VWA8: variants seen among roughly 807,000 people sequenced by gnomAD.
VWA8 encodes von Willebrand factor A domain containing 8.
VWA8 carries 221 observed loss-of-function variants against 241.5 expected under a neutral mutation model. The observed-to-expected ratio is 0.91, with a 90% CI of 0.82 to 1.02. The LOEUF is 1.02. Ranked by LOEUF, VWA8 falls within the 50% of genes least tolerant of loss-of-function variation. The pLI, the probability that VWA8 is intolerant of heterozygous loss-of-function variation, is 0.00. For missense variants in VWA8, 2,322 were observed against 2,328.7 expected (o/e 1.00, Z 0.06); for synonymous variants, 852 against 827.1 (o/e 1.03, Z -0.52).
At chr13:41,767,967 A>G (rs1398846094) in intron 20 of VWA8, among the ~76,000 whole-genome samples, 1 of 152,298 alleles carries the variant, frequency 6.6e-6, no homozygotes, top group African/African-American at 2.4e-5. Flanking sequence ...AACAATGGAT[A>G]GACAAACTAA....
chr13:41,944,324 C>T (rs548148110), intron 2 of VWA8, among the ~76,000 whole-genome samples: 3 of 151,886 alleles, frequency 2.0e-5, no homozygotes, highest in Admixed American at 6.6e-5. Flanking sequence ...GTTAATTCGC[C>T]CTAACCCCAT....
At chr13:41,608,122 T>C (rs767908112) in intron 39 of VWA8, among the ~76,000 whole-genome samples, 38 of 152,148 alleles carry the variant, frequency 2.5e-4, no homozygotes, top group Non-Finnish European at 5.1e-4. Context: ...TCGAGCAGAC[T>C]GATCTTTGCA....
intron 21 of VWA8, among the ~76,000 whole-genome samples, chr13:41,734,119 C>A (rs1566434091): frequency 6.6e-6 from 1 of 152,126 alleles, no homozygotes; most frequent in Non-Finnish European, 1.5e-5. Flanking sequence ...GCAGGCAGAT[C>A]ACGAGGTCAG....
chr13:41,583,642 C>CAAAAAAA (rs935505646), intron 42 of VWA8, among the ~76,000 whole-genome samples: 3 of 42,156 alleles, frequency 7.1e-5, no homozygotes, highest in South Asian at 8.6e-4. Context: ...GACTCCATCT[C>CAAAAAAA]AAAAAAAAAA....
chr13:41,597,296 G>A (rs2044495086), intron 40 of VWA8, among the ~76,000 whole-genome samples: 1 of 151,992 alleles, frequency 6.6e-6, no homozygotes, highest in South Asian at 2.1e-4. Flanking sequence ...ATTGGATTAA[G>A]GAAAACTTTC....
chr13:41,731,050 A>G (rs2045479211), intron 22 of VWA8, among the ~76,000 whole-genome samples: 1 of 150,860 alleles, frequency 6.6e-6, no homozygotes, highest in Non-Finnish European at 1.5e-5. Flanking sequence ...ATAAAAAAAT[A>G]AAATAAAATA....
chr13:41,719,441 A>AG (rs2045367868), intron 26 of VWA8, 150 bp downstream of exon 26: 9 of 1,472,100 alleles, frequency 6.1e-6, no homozygotes, highest in Non-Finnish European at 6.3e-6. Flanking sequence ...TATTTAACTG[A>AG]AAAGCAGCCA....
chr13:41,623,317 C>G (rs555357894), intron 37 of VWA8, among the ~76,000 whole-genome samples: 1 of 152,292 alleles, frequency 6.6e-6, no homozygotes, highest in East Asian at 1.9e-4. Flanking sequence ...GTCTATGCCC[C>G]AATGACATTG....
At chr13:41,706,229 T>C (rs962574469) in intron 26 of VWA8, among the ~76,000 whole-genome samples, 11 of 152,248 alleles carry the variant, frequency 7.2e-5, no homozygotes, top group Non-Finnish European at 1.5e-4. Flanking sequence ...CAACTCATTC[T>C]AAGTAAGTCA....
Position 41,912,088 on chromosome 13 carries a change from G to C in VWA8, c.322C>G (p.Leu108Val), listed in dbSNP as rs1292869248. 6.2e-7 allele frequency: 1 copy of C among 1,608,834 alleles called. No homozygotes were observed. Among genetic ancestry groups the C allele is most frequent in the East Asian group, 2.2e-5 (1 of 44,726 alleles). Residue 108 changes from leucine (L) to valine (V), a missense_variant, in exon 3 of 45, where the codon CTA (leucine) becomes GTA (valine). Physicochemically the swap from Leu to Val is conservative, Grantham distance 32. Coordinates refer to ENST00000379310, the MANE Select transcript of VWA8 (RefSeq NM_015058.2). ...QKDLLGQDVF[L>V]IGPPGPLRRS... ...CGAAGAGGCCCAGGAGGTCCTATTA[G>C]AAAAACATCTTGCCCCAAAAGATCC...
chr13:41,808,664 A>G (rs548530669), intron 17 of VWA8, among the ~76,000 whole-genome samples: 1 of 152,296 alleles, frequency 6.6e-6, no homozygotes, highest in Admixed American at 6.5e-5. Flanking sequence ...TGAATCGGAA[A>G]AACTGGAAGC....
intron 12 of VWA8, among the ~76,000 whole-genome samples, chr13:41,854,360 C>T (rs555533219): frequency 3.3e-5 from 5 of 152,014 alleles, no homozygotes; most frequent in South Asian, 2.1e-4. Context: ...AGAGAATATA[C>T]GTGAAACAAC....
chr13:41,812,587 T>G (rs1870518679), intron 16 of VWA8, among the ~76,000 whole-genome samples: 1 of 152,188 alleles, frequency 6.6e-6, no homozygotes, highest in Non-Finnish European at 1.5e-5. Context: ...ATGTTCCACC[T>G]AAGGTCATCT....
intron 2 of VWA8, among the ~76,000 whole-genome samples, chr13:41,914,809 A>G (rs543193598): frequency 1.2e-3 from 190 of 152,324 alleles, no homozygotes; most frequent in African/African-American, 4.5e-3. Flanking sequence ...ATAATTTAAA[A>G]TCCAAAATTT....
chr13:41,685,520 G>A (rs934077789), intron 34 of VWA8, among the ~76,000 whole-genome samples: 5 of 152,058 alleles, frequency 3.3e-5, no homozygotes, highest in Non-Finnish European at 5.9e-5. Context: ...GCCAGACATC[G>A]TGGCACATGT....
chr13:41,697,563 TTCTA>T (rs34772806), intron 29 of VWA8, among the ~76,000 whole-genome samples: 2,748 of 152,218 alleles, frequency 0.018, 57 homozygotes, highest in African/African-American at 0.052. Flanking sequence ...GATGAAATTA[TTCTA>T]TCTAAGATCA....
chr13:41,570,598 T>A lies in VWA8; in HGVS notation c.5479A>T (p.Ile1827Leu). ...GACAGATTTGCATCACTCAAGACTA[T>A]GACAAAGTACTCATCAGCTTCTTCT... ...VKEEADEYFV[I>L]VLSDANLSRY... Residue 1827 changes from isoleucine to leucine, a missense_variant, in exon 44 of 45, where the codon ATA becomes TTA. Transcript: ENST00000379310. The A allele has an allele frequency of 6.2e-7, 1 of 1,614,254 alleles. No individual in the cohort carries two copies. The highest frequency in any genetic ancestry group is 8.5e-7 in the Non-Finnish European group (1 of 1,180,046).
intron 2 of VWA8, among the ~76,000 whole-genome samples, chr13:41,932,430 G>C (rs1245499533): frequency 6.6e-6 from 1 of 151,994 alleles, no homozygotes; most frequent in South Asian, 2.1e-4. Flanking sequence ...AATTGAAGAG[G>C]AGGAAATTAT....
intron 2 of VWA8, among the ~76,000 whole-genome samples, chr13:41,918,135 C>T (rs993660496): frequency 2.6e-5 from 4 of 152,130 alleles, no homozygotes; most frequent in Non-Finnish European, 5.9e-5. Context: ...CTACTATATG[C>T]TCAGCACCAA....
Sources: allele counts gnomAD v4.1 joint callset (sites outside exome capture counted in the v4.1 genomes callset), GRCh38; gene constraint gnomAD v4.1.1; transcripts MANE v1.5; gene names NCBI Gene and HGNC (gene_info 2026-07-23, HGNC 2026-07-21).